CAMSAP2: variants seen among roughly 807,000 people sequenced by gnomAD.
CAMSAP2 encodes calmodulin regulated spectrin associated protein family member 2.
Under a neutral mutation model 146.1 loss-of-function variants are expected in CAMSAP2, and 26 were observed. The observed-to-expected ratio is 0.18, with a 90% CI of 0.13 to 0.25. CAMSAP2 has a LOEUF of 0.25. Among genes scored for constraint, CAMSAP2 ranks in the 10% least tolerant of loss-of-function variants. The pLI, the probability that CAMSAP2 is intolerant of heterozygous loss-of-function variation, is 1.00. For synonymous variants in CAMSAP2, 499 were observed against 596.6 expected (o/e 0.84, Z 2.38); for missense variants, 1,381 against 1,759.3 (o/e 0.78, Z 3.85).
intron 2 of CAMSAP2, among the ~76,000 whole-genome samples, chr1:200,786,851 G>A (rs1165022606): frequency 6.6e-6 from 1 of 152,136 alleles, no homozygotes; most frequent in Non-Finnish European, 1.5e-5. Context: ...ACTTTAGATC[G>A]AAGCCAGTGC....
chr1:200,816,259 G>T (rs1408065570), intron 4 of CAMSAP2, among the ~76,000 whole-genome samples: 2 of 151,568 alleles, frequency 1.3e-5, no homozygotes, highest in African/African-American at 4.9e-5. Context: ...CTGCACTCCA[G>T]CCTGGGGGAC....
At chr1:200,856,334 C>G (rs1667751515) in intron 15 of CAMSAP2, among the ~76,000 whole-genome samples, 1 of 152,198 alleles carries the variant, frequency 6.6e-6, no homozygotes, top group African/African-American at 2.4e-5. Context: ...CTAACCAATG[C>G]TGGCCATTTC....
chr1:200,845,901 A>G (rs777341325), intron 8 of CAMSAP2, among the ~76,000 whole-genome samples: 95 of 152,252 alleles, frequency 6.2e-4, no homozygotes, highest in Non-Finnish European at 8.2e-4. Flanking sequence ...ATACCTAGAT[A>G]ATCCTGACTT....
rs542892804 is a variant in CAMSAP2 at position 200,780,103 on chromosome 1, C to T, written c.399+19005C>T. ...AATATTATTCAAGAAAGCCTGAAAA[C>T]GCAAGGAAACTAGTTTTTTGTCTTT... On this transcript the variant is annotated intron_variant, in intron 2 of 16. Transcript: ENST00000358823. Among the ~76,000 whole-genome samples, 248 of 152,114 alleles carry T rather than the reference C, an allele frequency of 1.6e-3. 2 individuals are homozygous for T. Among genetic ancestry groups the T allele is most frequent in the African/African-American group, 5.8e-3 (240 of 41,516 alleles).
In CAMSAP2 at chr1:200,849,137, G is replaced by A; in HGVS notation, c.2368G>A (p.Val790Ile). The change falls in exon 11 of 17, where the codon GTA becomes ATA. Residue 790 changes from valine (V) to isoleucine (I), a missense_variant. By Grantham distance (29) the Val-to-Ile change is conservative (BLOSUM62 3). This residue lies in a region of CAMSAP2 where 560 missense variants were observed against 715.9 expected (regional missense o/e 0.78). Coordinates refer to ENST00000358823, the MANE Select transcript of CAMSAP2 (RefSeq NM_203459.4). The surrounding 1 kb of genome is among the most constrained non-coding windows in gnomAD (Gnocchi z 6.3). ...QKMGRTAFLT[V>I]VKKKGDGISP... ...AATGGGAAGGACAGCATTCCTTACT[G>A]TAGTGAAAAAGAAAGGGGATGGGAT... 6.2e-7 allele frequency: 1 copy of A among 1,614,110 alleles called. No individual in the cohort carries two copies. The highest frequency in any genetic ancestry group is 1.6e-4 in the Middle Eastern group (1 of 6,062).
chr1:200,842,035 T>A lies in CAMSAP2; in HGVS notation c.969T>A (p.Phe323Leu). 6.2e-7 allele frequency: 1 copy of A among 1,613,988 alleles called. No homozygotes were observed. The highest frequency in any genetic ancestry group is 8.5e-7 in the Non-Finnish European group (1 of 1,179,892). The change falls in exon 7 of 17, where the codon TTT (phenylalanine) becomes TTA (leucine). Residue 323 changes from phenylalanine to leucine, a missense_variant. Transcript: ENST00000358823. ...TCATGGCGGAACTGTTCTGGTGGTT[T>A]GAAGTGGTGAAGCCGTCTTTTGTAC... ...LVFMAELFWW[F>L]EVVKPSFVQP...
chr1:200,857,470 C>T lies in CAMSAP2; in HGVS notation c.4131+46C>T. ...ATTAAATTTGGCAAACTGTAGAAGT[C>T]TTTTATCCATTCAAGAGAATGTACT... On this transcript the variant is annotated intron_variant, in intron 16 of 16. Coordinates refer to ENST00000358823, the MANE Select transcript of CAMSAP2 (RefSeq NM_203459.4). The surrounding 1 kb of genome is among the most constrained non-coding windows in gnomAD (Gnocchi z 4.7). 1 of 1,302,896 alleles carries T rather than the reference C, an allele frequency of 7.7e-7. No homozygotes were observed. Among genetic ancestry groups the T allele is most frequent in the Non-Finnish European group, 1.1e-6 (1 of 898,300 alleles). 80.7% of individuals were successfully genotyped at this position (1,302,896 alleles called of 1,614,324 possible).
chr1:200,802,366 G>C (rs1666056768), intron 2 of CAMSAP2, among the ~76,000 whole-genome samples: 1 of 152,144 alleles, frequency 6.6e-6, no homozygotes, highest in African/African-American at 2.4e-5. Context: ...TTGATAAAAT[G>C]ACATATCATC....
chr1:200,856,240 T>C (rs1667750152), intron 15 of CAMSAP2, 115 bp downstream of exon 15: 1 of 677,518 alleles, frequency 1.5e-6, no homozygotes, highest in Admixed American at 2.5e-5. Context: ...AGGCAACTAA[T>C]AAACAGTGAA....
intron 2 of CAMSAP2, among the ~76,000 whole-genome samples, chr1:200,800,373 GA>G (rs1433847755): frequency 1.3e-5 from 2 of 152,126 alleles, no homozygotes; most frequent in African/African-American, 4.8e-5. Flanking sequence ...ATATATTTAG[GA>G]TAGTTAGTTC....
intron 6 of CAMSAP2, among the ~76,000 whole-genome samples, chr1:200,837,577 A>G (rs1282076754): frequency 6.6e-6 from 1 of 152,132 alleles, no homozygotes. Flanking sequence ...GTTCAATATG[A>G]TTTTTAAAAT....
chr1:200,815,336 C>T (rs1187252754), intron 3 of CAMSAP2, among the ~76,000 whole-genome samples: 1 of 152,228 alleles, frequency 6.6e-6, no homozygotes, highest in Non-Finnish European at 1.5e-5. Context: ...ACAGTGTCTG[C>T]TCAACAACTA....
chr1:200,786,572 C>T (rs1168291477), intron 2 of CAMSAP2, among the ~76,000 whole-genome samples: 2 of 145,554 alleles, frequency 1.4e-5, no homozygotes, highest in Non-Finnish European at 3.0e-5. Context: ...TTAGTAGAGA[C>T]GAGGTTTTGC....
In CAMSAP2 at chr1:200,857,792, G is replaced by A. The variant is rs1280029409; in HGVS notation, c.4170G>A (p.Leu1390=). The A allele has an allele frequency of 1.9e-6, 3 of 1,607,290 alleles. No individual in the cohort carries two copies. Among genetic ancestry groups the A allele is most frequent in the Non-Finnish European group, 2.5e-6 (3 of 1,178,096 alleles). ...CAGATGCCAACAACTTCTTAATCTTGTTCCGGGATTCAGGATGCCAGTTCA... is the reference window on the plus strand; with the variant it reads ...CAGATGCCAACAACTTCTTAATCTTATTCCGGGATTCAGGATGCCAGTTCA... ...EKSDANNFLI[L]FRDSGCQFRS... is the part of the protein sequence containing the mutation. Residue 1390 remains leucine (L), a synonymous_variant, in exon 17 of 17, where the codon TTG becomes TTA. Transcript: ENST00000358823. This position sits in a 1 kb window ranked among gnomAD's most constrained non-coding sequence, Gnocchi z 4.7.
intron 2 of CAMSAP2, among the ~76,000 whole-genome samples, chr1:200,795,688 G>C (rs537128126): frequency 3.9e-5 from 6 of 152,228 alleles, no homozygotes; most frequent in African/African-American, 1.4e-4. Context: ...CTTAATATCA[G>C]CTTGTTTTAA....
chr1:200,806,765 G>GTGTATCTATCTATCTATC (rs1396000266), intron 2 of CAMSAP2, among the ~76,000 whole-genome samples: 8 of 140,118 alleles, frequency 5.7e-5, no homozygotes, highest in African/African-American at 1.1e-4. Flanking sequence ...GTGTGTGTGT[G>GTGTATCTATCTATCTATC]TATCTATCTA....
chr1:200,760,175 CTT>C (rs1221811059), intron 1 of CAMSAP2, among the ~76,000 whole-genome samples: 1 of 152,132 alleles, frequency 6.6e-6, no homozygotes, highest in South Asian at 2.1e-4. Flanking sequence ...CCCAGGAAGT[CTT>C]TTTCAGGTAG....
intron 1 of CAMSAP2, 96 bp downstream of exon 1, chr1:200,740,062 T>C: frequency 7.3e-7 from 1 of 1,370,634 alleles, no homozygotes; most frequent in Non-Finnish European, 1.0e-6. Flanking sequence ...TCCCCGTGCC[T>C]GTCTTCTCGT....
intron 3 of CAMSAP2, among the ~76,000 whole-genome samples, chr1:200,813,599 T>A (rs563876056): frequency 9.8e-5 from 15 of 152,350 alleles, no homozygotes; most frequent in Non-Finnish European, 1.6e-4. Flanking sequence ...AGTAGATATC[T>A]GTTGAATGTG....
Sources: allele counts gnomAD v4.1 joint callset (sites outside exome capture counted in the v4.1 genomes callset), GRCh38; gene constraint gnomAD v4.1.1; regional missense constraint gnomAD v4.1.1; non-coding constraint Gnocchi (gnomAD v3.1); transcripts MANE v1.5; gene names NCBI Gene and HGNC (gene_info 2026-07-23, HGNC 2026-07-21).